Variants in PLAAT3 observed in about 807,000 individuals in gnomAD.
PLAAT3 encodes phospholipase A and acyltransferase 3, also known as Ca-independent phospholipase A1/2.
PLAAT3 carries 21 observed loss-of-function variants against 16.7 expected under a neutral mutation model. The observed-to-expected ratio is 1.26, with a 90% CI of 0.89 to 1.81. PLAAT3 has a LOEUF of 1.81. PLAAT3 is among the 40% of genes most tolerant of loss of function. The pLI, the probability that PLAAT3 is intolerant of heterozygous loss-of-function variation, is 0.00. For missense variants in PLAAT3, 219 were observed against 213.7 expected (o/e 1.02, Z -0.16); for synonymous variants, 76 against 81.7 (o/e 0.93, Z 0.38).
chr11:63,579,888 A>AAG (rs1555042254), intron 4 of PLAAT3, among the ~76,000 whole-genome samples: 28 of 150,704 alleles, frequency 1.9e-4, no homozygotes, highest in African/African-American at 2.9e-4. Flanking sequence ...AAAAAAAAAA[A>AAG]AAGAAGAAGA....
At chr11:63,612,138 C>CA (rs968229554) in intron 2 of PLAAT3, among the ~76,000 whole-genome samples, 37 of 145,896 alleles carry the variant, frequency 2.5e-4, no homozygotes, top group Non-Finnish European at 3.0e-4. Flanking sequence ...AACTCCATCT[C>CA]AAAAAAAAAA....
chr11:63,579,795 C>T (rs1409100923), intron 4 of PLAAT3, among the ~76,000 whole-genome samples: 1 of 147,236 alleles, frequency 6.8e-6, no homozygotes, highest in South Asian at 2.1e-4. Flanking sequence ...ATGGGTGCAG[C>T]ACACCAACAT....
chr11:63,592,237 G>A (rs1245219325), intron 3 of PLAAT3, among the ~76,000 whole-genome samples: 4 of 151,948 alleles, frequency 2.6e-5, no homozygotes, highest in Non-Finnish European at 5.9e-5. Flanking sequence ...TGTGATCTTG[G>A]CTCGCTGCAA....
At chr11:63,587,153 G>T (rs1938002547) in intron 4 of PLAAT3, among the ~76,000 whole-genome samples, 1 of 152,112 alleles carries the variant, frequency 6.6e-6, no homozygotes, top group Non-Finnish European at 1.5e-5. Context: ...GCAGTCTAGG[G>T]ATCCAATAGC....
At chr11:63,612,085 C>A (rs955749175) in intron 2 of PLAAT3, among the ~76,000 whole-genome samples, 2 of 152,172 alleles carry the variant, frequency 1.3e-5, no homozygotes, top group Non-Finnish European at 2.9e-5. Flanking sequence ...TTGCAGCGAG[C>A]CGAGATCACG....
rs2017637219 is a variant in PLAAT3 at position 63,574,840 on chromosome 11, T to G, written c.*105A>C. 1.4e-6 allele frequency: 1 copy of G among 718,642 alleles called. No individual in the cohort carries two copies. Among genetic ancestry groups the G allele is most frequent in the Admixed American group, 2.2e-5 (1 of 44,902 alleles). The allele number at this position is 718,642 out of a possible 1,614,324, so 44.5% of individuals were successfully genotyped here. ...TTATTTTATTCTGTGAAAATAAGCCTTATTATAAATCACAATGAAATCCAC... is the reference window on the plus strand; with the variant it reads ...TTATTTTATTCTGTGAAAATAAGCCGTATTATAAATCACAATGAAATCCAC... On this transcript the variant is annotated 3_prime_UTR_variant, in exon 5 of 5. Transcript: ENST00000415826.
intron 2 of PLAAT3, among the ~76,000 whole-genome samples, chr11:63,600,086 ATC>A (rs200326831): frequency 0.012 from 1,767 of 152,186 alleles, 36 homozygotes; most frequent in African/African-American, 0.041. Context: ...GGCTCAGGTC[ATC>A]TTCCCACCTC....
Position 63,584,289 on chromosome 11 carries a change from C to CT in PLAAT3, c.387+5810dup, listed in dbSNP as rs532324070. ...TCATTGTGAGTATAGCTTCTGGTTG[C>CT]TTTTTTTTTTTTTTTAAGTACTGTT... is the stretch of plus-strand genomic sequence containing the variant. On this transcript the variant is annotated intron_variant, in intron 4 of 4. Coordinates refer to ENST00000415826, the MANE Select transcript of PLAAT3 (RefSeq NM_001128203.2). 4.3e-3 allele frequency among the ~76,000 whole-genome samples: 532 copies of CT among 123,416 alleles called. 7 individuals carry two copies. In the East Asian group the frequency reaches 0.049, roughly 11 times the overall value. 81.0% of individuals were successfully genotyped at this position (123,416 alleles called of 152,430 possible). A position where few individuals can be genotyped will look rare whatever the true frequency, so the allele number is the denominator to read the frequency against.
upstream of PLAAT3, among the ~76,000 whole-genome samples, chr11:63,615,064 G>A (rs60261478): frequency 0.015 from 121 of 8,258 alleles, 16 homozygotes; most frequent in South Asian, 0.13. Context: ...GTATATATAT[G>A]TGTGTATATA....
At position 63,581,079 on chromosome 11, in the gene PLAAT3, C is replaced by T. The variant is rs137982475; in HGVS notation, c.388-6033G>A. Among the ~76,000 whole-genome samples the T allele has an allele frequency of 2.4e-3, 373 of 152,326 alleles. 3 individuals are homozygous for T. Among genetic ancestry groups the T allele is most frequent in the African/African-American group, 8.2e-3 (339 of 41,562 alleles). Reference sequence around the variant, plus strand: ...ATGCCTGTCTTTAATCTCTTAATCACGTTATCTTCGTAAGCTGAGAATGTA... The same window carrying T: ...ATGCCTGTCTTTAATCTCTTAATCATGTTATCTTCGTAAGCTGAGAATGTA... On this transcript the variant is annotated intron_variant, in intron 4 of 4. Coordinates refer to ENST00000415826, the MANE Select transcript of PLAAT3 (RefSeq NM_001128203.2).
chr11:63,596,237 C>CAAAAAA (rs56081443), intron 3 of PLAAT3, among the ~76,000 whole-genome samples: 1 of 40,706 alleles, frequency 2.5e-5, no homozygotes, highest in Non-Finnish European at 4.3e-5. Flanking sequence ...GAGACTCTGT[C>CAAAAAA]AAAAAAAAAA....
chr11:63,614,332 A>G, intron 1 of PLAAT3, 53 bp downstream of exon 1: 1 of 419,320 alleles, frequency 2.4e-6, no homozygotes, highest in Non-Finnish European at 4.3e-6. Flanking sequence ...GAAGCATCCC[A>G]GGCACCTCGC....
chr11:63,604,967 C>G (rs1258794270), intron 2 of PLAAT3, among the ~76,000 whole-genome samples: 2 of 152,118 alleles, frequency 1.3e-5, no homozygotes, highest in African/African-American at 4.8e-5. Flanking sequence ...TTTCTGGGTG[C>G]TGGGGCTAAG....
intron 4 of PLAAT3, among the ~76,000 whole-genome samples, chr11:63,587,809 T>C (rs1249363591): frequency 6.6e-6 from 1 of 152,162 alleles, no homozygotes; most frequent in Non-Finnish European, 1.5e-5. Context: ...AAGAGAAGGA[T>C]GTGAACTACA....
intron 4 of PLAAT3, among the ~76,000 whole-genome samples, chr11:63,588,338 G>T (rs1456546168): frequency 6.6e-6 from 1 of 152,088 alleles, no homozygotes; most frequent in Non-Finnish European, 1.5e-5. Flanking sequence ...CCAAAGTGCT[G>T]GGATTACAGG....
chr11:63,578,939 TA>T (rs757221718), intron 4 of PLAAT3, among the ~76,000 whole-genome samples: 1 of 152,030 alleles, frequency 6.6e-6, no homozygotes, highest in Non-Finnish European at 1.5e-5. Context: ...ACAGGCAACC[TA>T]CAGAATGGGA....
chr11:63,598,172 C>A lies in PLAAT3; in HGVS notation c.16-9G>T. 1 of 1,598,304 alleles carries A rather than the reference C, an allele frequency of 6.3e-7. No individual in the cohort carries two copies. The highest frequency in any genetic ancestry group is 8.6e-7 in the Non-Finnish European group (1 of 1,165,690). On this transcript the variant is annotated splice_polypyrimidine_tract_variant and intron_variant, in intron 2 of 4. Transcript: ENST00000415826. ...CCAGGCTTAGGCTCTGGCTGCAAAA[C>A]CAAGAACAGGGCTGTTAGAGGGAGC...
rs149520576 is a variant in PLAAT3, at chr11:63,585,319, G to A, written c.387+4781C>T. ...ATTACAGGCATGAGCCACTGCGCCCGGCCAGAAGTTCTATGTTAATTTGAC... is the reference window on the plus strand; with the variant it reads ...ATTACAGGCATGAGCCACTGCGCCCAGCCAGAAGTTCTATGTTAATTTGAC... On this transcript the variant is annotated intron_variant, in intron 4 of 4. Transcript: ENST00000415826. Among the ~76,000 whole-genome samples, 188 of 152,226 alleles carry A rather than the reference G, an allele frequency of 1.2e-3. 1 individual carries two copies. Among genetic ancestry groups the A allele is most frequent in the African/African-American group, 4.3e-3 (179 of 41,530 alleles).
rs773244241 is a variant in PLAAT3, at chr11:63,590,322, A to T, written c.165T>A (p.Thr55=). The part of the protein sequence containing the change: ...AGAASVMSAL[T]DKAIVKKELL... ...ATTCCTTCTTCACGATGGCCTTGTC[A>T]GTCAGGGCGGACATGACACTGGCTG... Residue 55 remains threonine, a synonymous_variant, in exon 4 of 5, where the codon ACT becomes ACA. Coordinates refer to ENST00000415826, the MANE Select transcript of PLAAT3 (RefSeq NM_001128203.2). 6.2e-7 allele frequency: 1 copy of T among 1,614,028 alleles called. No homozygotes were observed. The highest frequency in any genetic ancestry group is 8.5e-7 in the Non-Finnish European group (1 of 1,179,882).
Sources: allele counts gnomAD v4.1 joint callset (sites outside exome capture counted in the v4.1 genomes callset), GRCh38; gene constraint gnomAD v4.1.1; transcripts MANE v1.5; gene names NCBI Gene and HGNC (gene_info 2026-07-23, HGNC 2026-07-21).